The following SCHIP1 variants were observed in gnomAD, a reference collection of about 807,000 sequenced individuals.
The protein encoded by SCHIP1 is schwannomin-interacting protein 1.
SCHIP1 carries 8 observed loss-of-function variants against 29.7 expected under a neutral mutation model. The ratio of observed to expected loss-of-function variants is 0.27; its 90% CI spans 0.16 to 0.49. SCHIP1 has a LOEUF of 0.49. Ranked by LOEUF, SCHIP1 falls within the 20% of genes least tolerant of loss-of-function variation. SCHIP1 has a pLI of 0.99. For missense variants in SCHIP1, 193 were observed against 294.6 expected (o/e 0.66, Z 2.52); for synonymous variants, 76 against 94.9 (o/e 0.80, Z 1.16).
chr3:159,853,905 A>C (rs1361734014), intron 1 of SCHIP1, among the ~76,000 whole-genome samples: 3 of 152,236 alleles, frequency 2.0e-5, no homozygotes, highest in African/African-American at 7.2e-5. Context: ...AAGTTGATAC[A>C]GTATCTGTTC....
chr3:159,278,645 A>G, the SCHIP1 span, among the ~76,000 whole-genome samples: 1 of 152,148 alleles, frequency 6.6e-6, no homozygotes, highest in African/African-American at 2.4e-5. Context: ...ATTCTTTTAT[A>G]AATTGGGAGA....
chr3:159,557,714 C>T, the SCHIP1 span, among the ~76,000 whole-genome samples: 10 of 152,276 alleles, frequency 6.6e-5, no homozygotes, highest in South Asian at 2.1e-4. Flanking sequence ...GCTGAAAATT[C>T]GATCCCTTAA....
the SCHIP1 span, among the ~76,000 whole-genome samples, chr3:159,751,551 T>G: frequency 1.3e-5 from 2 of 149,504 alleles, no homozygotes; most frequent in African/African-American, 4.9e-5. Context: ...AATTATTTCT[T>G]TTTTTTTTTT....
the SCHIP1 span, among the ~76,000 whole-genome samples, chr3:159,719,030 C>G: frequency 6.6e-6 from 1 of 152,156 alleles, no homozygotes; most frequent in Non-Finnish European, 1.5e-5. Context: ...GGTACCAAAA[C>G]AGAGATATAG....
chr3:159,706,677 A>G, the SCHIP1 span, among the ~76,000 whole-genome samples: 23 of 152,186 alleles, frequency 1.5e-4, no homozygotes, highest in Non-Finnish European at 2.9e-5. Context: ...GAAGTCTTTC[A>G]TGAGTTGTAG....
At chr3:159,559,792 T>C in the SCHIP1 span, among the ~76,000 whole-genome samples, 1 of 152,170 alleles carries the variant, frequency 6.6e-6, no homozygotes, top group African/African-American at 2.4e-5. Flanking sequence ...TTTTTTTTCC[T>C]AGATGAGAGT....
At chr3:159,618,123 G>T in the SCHIP1 span, among the ~76,000 whole-genome samples, 1 of 152,192 alleles carries the variant, frequency 6.6e-6, no homozygotes, top group African/African-American at 2.4e-5. Context: ...GTGTAGGTAT[G>T]CTGTACTTTC....
At chr3:159,597,431 TC>T in the SCHIP1 span, among the ~76,000 whole-genome samples, 4 of 152,142 alleles carry the variant, frequency 2.6e-5, no homozygotes, top group East Asian at 5.8e-4. Flanking sequence ...CTATTCATGT[TC>T]CCCCCACCTC....
the SCHIP1 span, among the ~76,000 whole-genome samples, chr3:159,536,311 A>G: frequency 6.6e-6 from 1 of 152,192 alleles, no homozygotes; most frequent in African/African-American, 2.4e-5. Flanking sequence ...AATCCATGCC[A>G]TGTCCCTATA....
the SCHIP1 span, among the ~76,000 whole-genome samples, chr3:159,507,828 T>C: frequency 6.6e-6 from 1 of 152,236 alleles, no homozygotes; most frequent in Non-Finnish European, 1.5e-5. Flanking sequence ...CACTTGATCA[T>C]AGTGGATAAG....
intron 1 of SCHIP1, among the ~76,000 whole-genome samples, chr3:159,844,148 G>C (rs934377308): frequency 2.6e-5 from 4 of 152,174 alleles, no homozygotes; most frequent in African/African-American, 7.2e-5. Context: ...GGTTTGGTGA[G>C]GATTGTTCAG....
At chr3:159,788,509 A>G in the SCHIP1 span, among the ~76,000 whole-genome samples, 2 of 152,188 alleles carry the variant, frequency 1.3e-5, no homozygotes, top group Non-Finnish European at 2.9e-5. Context: ...GTTCATCTAC[A>G]CACTCTAGAA....
chr3:159,884,017 TGTTTTGTATTGCGG>T (rs1716712624), intron 2 of SCHIP1, among the ~76,000 whole-genome samples: 1 of 152,240 alleles, frequency 6.6e-6, no homozygotes, highest in Non-Finnish European at 1.5e-5. Context: ...TTTTGCTTTG[TGTTTTGTATTGCGG>T]GTTATTTTAC....
At chr3:159,490,425 A>T in the SCHIP1 span, among the ~76,000 whole-genome samples, 2 of 152,212 alleles carry the variant, frequency 1.3e-5, no homozygotes, top group African/African-American at 4.8e-5. Context: ...GACTTGATGT[A>T]CAAAGAAGAA....
chr3:159,394,759 T>C, the SCHIP1 span, among the ~76,000 whole-genome samples: 2 of 152,252 alleles, frequency 1.3e-5, no homozygotes, highest in African/African-American at 4.8e-5. Flanking sequence ...TCATCAAGGA[T>C]AGTGATCTAA....
chr3:159,541,396 T>C, the SCHIP1 span, among the ~76,000 whole-genome samples: 1 of 152,080 alleles, frequency 6.6e-6, no homozygotes, highest in Admixed American at 6.6e-5. Flanking sequence ...CAGTTGGATC[T>C]GGGAAAGGAT....
the SCHIP1 span, among the ~76,000 whole-genome samples, chr3:159,722,934 G>T: frequency 6.6e-6 from 1 of 152,268 alleles, no homozygotes; most frequent in South Asian, 2.1e-4. Context: ...AAAGTGGGGA[G>T]CAGGAAGACT....
chr3:159,495,552 G>C, the SCHIP1 span, among the ~76,000 whole-genome samples: 1 of 152,156 alleles, frequency 6.6e-6, no homozygotes, highest in African/African-American at 2.4e-5. Context: ...ACTTACAAGG[G>C]ATGTGAAGGA....
the SCHIP1 span, among the ~76,000 whole-genome samples, chr3:159,366,921 T>C: frequency 6.6e-6 from 1 of 152,110 alleles, no homozygotes; most frequent in African/African-American, 2.4e-5. Flanking sequence ...ATGATTTCAA[T>C]AAAAAATATT....
Sources: gnomAD v4.1 joint callset for allele counts (sites outside exome capture counted in the v4.1 genomes callset) on GRCh38, gnomAD v4.1.1 for gene constraint, MANE v1.5 for transcripts, NCBI Gene and HGNC (gene_info 2026-07-23, HGNC 2026-07-21) for gene names.